Variants in STPG2 observed in about 807,000 individuals in gnomAD.
STPG2 encodes sperm-tail PG-rich repeat-containing protein 2.
Under a neutral mutation model 54.2 loss-of-function variants are expected in STPG2, and 56 were observed. The ratio of observed to expected loss-of-function variants is 1.03; its 90% CI spans 0.83 to 1.29. The LOEUF (loss-of-function observed/expected upper bound fraction) is 1.29, where lower values mean the gene tolerates loss of function less well. STPG2 is among the 50% of genes most tolerant of loss of function. STPG2 has a pLI of 0.00. For synonymous variants in STPG2, 200 were observed against 181.8 expected (o/e 1.10, Z -0.81); for missense variants, 596 against 544.9 (o/e 1.09, Z -0.93).
intron 8 of STPG2, among the ~76,000 whole-genome samples, chr4:97,856,704 G>A (rs192231630): frequency 6.6e-6 from 1 of 152,310 alleles, no homozygotes; most frequent in East Asian, 1.9e-4. Context: ...ATGTTGAATA[G>A]AAGTGGTGAG....
At chr4:98,019,354 C>G (rs1008984015) in intron 5 of STPG2, among the ~76,000 whole-genome samples, 4 of 152,104 alleles carry the variant, frequency 2.6e-5, no homozygotes, top group Non-Finnish European at 5.9e-5. Context: ...TCTGAGGGCT[C>G]TGTTCTGTTC....
intron 5 of STPG2, among the ~76,000 whole-genome samples, chr4:98,089,803 A>G (rs547184451): frequency 6.6e-6 from 1 of 151,880 alleles, no homozygotes; most frequent in South Asian, 2.1e-4. Flanking sequence ...CCTGATAATT[A>G]GCGATGTACA....
At chr4:97,778,615 G>A (rs143490096) in intron 9 of STPG2, among the ~76,000 whole-genome samples, 49 of 152,262 alleles carry the variant, frequency 3.2e-4, no homozygotes, top group African/African-American at 1.1e-3. Flanking sequence ...TTGAGATCAC[G>A]GAATGGACAG....
intron 5 of STPG2, among the ~76,000 whole-genome samples, chr4:98,053,338 A>G (rs1413264668): frequency 6.6e-6 from 1 of 152,184 alleles, no homozygotes; most frequent in East Asian, 1.9e-4. Flanking sequence ...TCCACTCTCA[A>G]CCCTTCATGT....
chr4:97,507,022 A>G (rs1285319428), intron 4 of STPG2, among the ~76,000 whole-genome samples: 1 of 151,920 alleles, frequency 6.6e-6, no homozygotes, highest in Admixed American at 6.6e-5. Flanking sequence ...ATAAGAGACA[A>G]ATTTTAAAGA....
intron 4 of STPG2, among the ~76,000 whole-genome samples, chr4:97,442,955 T>G (rs1729127450): frequency 6.6e-6 from 1 of 152,084 alleles, no homozygotes; most frequent in South Asian, 2.1e-4. Flanking sequence ...AGGTATAGGA[T>G]TTCATAAATT....
At chr4:97,673,262 C>CAAA (rs1722749692) in intron 10 of STPG2, among the ~76,000 whole-genome samples, 1 of 151,990 alleles carries the variant, frequency 6.6e-6, no homozygotes, top group Admixed American at 6.5e-5. Flanking sequence ...CAATTTTAAA[C>CAAA]AAAAAGTAGG....
At chr4:97,608,307 G>A (rs899267413) in intron 10 of STPG2, among the ~76,000 whole-genome samples, 1 of 151,864 alleles carries the variant, frequency 6.6e-6, no homozygotes, top group Non-Finnish European at 1.5e-5. Context: ...TACTAATAAT[G>A]TAGCATAAAA....
intron 4 of STPG2, among the ~76,000 whole-genome samples, chr4:97,456,179 C>T (rs553615987): frequency 7.9e-5 from 12 of 152,254 alleles, no homozygotes; most frequent in Middle Eastern, 3.4e-3. Flanking sequence ...TAAAGAACTA[C>T]CCGAAACGGG....
intron 4 of STPG2, among the ~76,000 whole-genome samples, chr4:97,542,267 T>C (rs1731729144): frequency 6.6e-6 from 1 of 151,972 alleles, no homozygotes. Flanking sequence ...TCAAACAAAT[T>C]CATAAGAAAG....
intron 4 of STPG2, among the ~76,000 whole-genome samples, chr4:97,548,261 T>G (rs1440485124): frequency 6.6e-6 from 1 of 152,140 alleles, no homozygotes; most frequent in Non-Finnish European, 1.5e-5. Context: ...TCAACTTTTT[T>G]AGTATGAAGT....
intron 5 of STPG2, among the ~76,000 whole-genome samples, chr4:98,008,316 C>T (rs1232470858): frequency 6.6e-6 from 1 of 151,350 alleles, no homozygotes; most frequent in Non-Finnish European, 1.5e-5. Flanking sequence ...AAAAAAAAAG[C>T]TATCAAGCAT....
At position 97,781,946 on chromosome 4, in the gene STPG2, G is replaced by A. The variant is rs183079339; in HGVS notation, c.1204+58827C>T. ...TAGGCCGTATCTTAAAATAATAAGA[G>A]CTATTTATAACAAACCCACAGCCAA... On this transcript the variant is annotated intron_variant, in intron 9 of 10. Coordinates refer to ENST00000295268, the MANE Select transcript of STPG2 (RefSeq NM_174952.3). Among the ~76,000 whole-genome samples the A allele has an allele frequency of 5.6e-3, 846 of 152,204 alleles. 4 individuals are homozygous for A. Among genetic ancestry groups the A allele is most frequent in the Middle Eastern group, 0.02 (6 of 294 alleles).
chr4:97,662,748 A>G (rs748097967), intron 10 of STPG2, among the ~76,000 whole-genome samples: 53 of 152,248 alleles, frequency 3.5e-4, no homozygotes, highest in Admixed American at 9.8e-4. Context: ...GACTACATAC[A>G]GACATAAAGA....
At chr4:98,019,387 G>A (rs1411504442) in intron 5 of STPG2, among the ~76,000 whole-genome samples, 5 of 151,758 alleles carry the variant, frequency 3.3e-5, no homozygotes, top group Admixed American at 2.0e-4. Flanking sequence ...TCTCTGTTTT[G>A]TTACCAGTAC....
At chr4:98,020,503 G>C (rs1255630196) in intron 5 of STPG2, among the ~76,000 whole-genome samples, 2 of 151,884 alleles carry the variant, frequency 1.3e-5, no homozygotes, top group Non-Finnish European at 2.9e-5. Flanking sequence ...TCTCTGCCCG[G>C]CTTTGGTATC....
intron 8 of STPG2, among the ~76,000 whole-genome samples, chr4:97,893,928 T>A (rs1730860788): frequency 6.6e-6 from 1 of 151,862 alleles, no homozygotes; most frequent in Non-Finnish European, 1.5e-5. Flanking sequence ...GACCCTAGTA[T>A]CAGGAACAGA....
intron 10 of STPG2, among the ~76,000 whole-genome samples, chr4:97,611,202 A>T (rs1043094784): frequency 1.3e-5 from 2 of 151,888 alleles, no homozygotes; most frequent in African/African-American, 4.8e-5. Context: ...TGTGTTACCT[A>T]CTAGGTGCTG....
chr4:97,737,045 C>T (rs1409969945), intron 9 of STPG2, among the ~76,000 whole-genome samples: 2 of 152,152 alleles, frequency 1.3e-5, no homozygotes, highest in African/African-American at 2.4e-5. Flanking sequence ...GCAGCATTCG[C>T]GGTTCACAAA....
Sources: allele counts gnomAD v4.1 joint callset (sites outside exome capture counted in the v4.1 genomes callset), GRCh38; gene constraint gnomAD v4.1.1; transcripts MANE v1.5; gene names NCBI Gene and HGNC (gene_info 2026-07-23, HGNC 2026-07-21).